Variants in PDE6C observed in about 807,000 individuals in gnomAD.
PDE6C encodes the protein phosphodiesterase 6C.
PDE6C carries 75 observed loss-of-function variants against 113.1 expected under a neutral mutation model. The ratio of observed to expected loss-of-function variants is 0.66; its 90% CI spans 0.55 to 0.80. The LOEUF (loss-of-function observed/expected upper bound fraction) is 0.80, where lower values mean the gene tolerates loss of function less well. PDE6C is among the 30% of genes least tolerant of loss of function. PDE6C has a pLI of 0.00. For synonymous variants in PDE6C, 375 were observed against 363.7 expected (o/e 1.03, Z -0.35); for missense variants, 912 against 1,038.6 (o/e 0.88, Z 1.67).
intron 1 of PDE6C, among the ~76,000 whole-genome samples, chr10:93,618,191 G>T (rs531139984): frequency 1.3e-5 from 2 of 152,218 alleles, no homozygotes; most frequent in South Asian, 4.2e-4. Context: ...GAAGCAAAAT[G>T]GTAATTGCAA....
chr10:93,638,481 T>C (rs996474330), intron 11 of PDE6C, among the ~76,000 whole-genome samples: 3 of 152,190 alleles, frequency 2.0e-5, no homozygotes, highest in African/African-American at 7.2e-5. Flanking sequence ...AGGCATCTTC[T>C]TGGAAAACAA....
At chr10:93,649,840 G>T (rs184864105) in intron 15 of PDE6C, among the ~76,000 whole-genome samples, 121 of 152,230 alleles carry the variant, frequency 7.9e-4, no homozygotes, top group Non-Finnish European at 4.4e-5. Flanking sequence ...CCCAACCTCA[G>T]GTGATCCACC....
intron 8 of PDE6C, among the ~76,000 whole-genome samples, chr10:93,634,292 C>A (rs1295557379): frequency 6.6e-6 from 1 of 152,178 alleles, no homozygotes; most frequent in Non-Finnish European, 1.5e-5. Context: ...GGATTACAGG[C>A]TCCAGCCACT....
At chr10:93,655,469 T>C (rs1462197978) in intron 15 of PDE6C, among the ~76,000 whole-genome samples, 2 of 152,038 alleles carry the variant, frequency 1.3e-5, no homozygotes, top group Non-Finnish European at 2.9e-5. Context: ...GAAGAAAACA[T>C]TTATTTACTC....
intron 8 of PDE6C, among the ~76,000 whole-genome samples, chr10:93,630,105 A>G (rs2058493382): frequency 6.6e-6 from 1 of 152,042 alleles, no homozygotes; most frequent in African/African-American, 2.4e-5. Context: ...TCTCAGGAAA[A>G]TCAACAATTC....
chr10:93,656,931 T>A (rs1402583576), intron 16 of PDE6C, among the ~76,000 whole-genome samples: 1 of 152,110 alleles, frequency 6.6e-6, no homozygotes, highest in Non-Finnish European at 1.5e-5. Flanking sequence ...AAAATGGATA[T>A]CCAAATATCT....
intron 1 of PDE6C, among the ~76,000 whole-genome samples, chr10:93,620,028 A>G (rs2058437703): frequency 6.6e-6 from 1 of 152,188 alleles, no homozygotes; most frequent in Non-Finnish European, 1.5e-5. Flanking sequence ...TGAAACTATT[A>G]TAAGCAATTA....
At chr10:93,629,355 G>A (rs1233803747) in intron 8 of PDE6C, 50 bp downstream of exon 8, 1 of 1,390,298 alleles carries the variant, frequency 7.2e-7, no homozygotes, top group African/African-American at 1.4e-5. Flanking sequence ...GGGTAGAGGA[G>A]TGGATGCTCT....
chr10:93,627,204 G>A (rs1406933032), intron 7 of PDE6C, among the ~76,000 whole-genome samples: 5 of 135,418 alleles, frequency 3.7e-5, no homozygotes, highest in Admixed American at 3.3e-4. Flanking sequence ...GGAGATTGCA[G>A]TGAGCCAAGA....
rs1323290515 is a variant in PDE6C, at chr10:93,662,541, GATTT to G, written c.2284-14_2284-11del. The G allele has an allele frequency of 3.5e-6, 4 of 1,152,782 alleles. No homozygotes were observed. The East Asian group carries it at 7.1e-5, about 20-fold the overall frequency. 71.4% of individuals were successfully genotyped at this position (1,152,782 alleles called of 1,614,324 possible). On this transcript the variant is annotated splice_polypyrimidine_tract_variant and intron_variant, in intron 19 of 21. Transcript: ENST00000371447. ...TACATCTTAGAAACCTGTCTTAAAG[GATTT>G]ATTTCTCTTTCTAGCCTATGATGGA...
intron 1 of PDE6C, among the ~76,000 whole-genome samples, chr10:93,619,534 C>T (rs975712689): frequency 6.6e-6 from 1 of 152,182 alleles, no homozygotes. Flanking sequence ...TCAAGCGACT[C>T]CCCTGCCTCA....
At chr10:93,650,182 CTT>C (rs900420963) in intron 15 of PDE6C, among the ~76,000 whole-genome samples, 5 of 152,182 alleles carry the variant, frequency 3.3e-5, no homozygotes, top group African/African-American at 1.2e-4. Context: ...CAATCACACT[CTT>C]TTGCATTGGT....
intron 14 of PDE6C, among the ~76,000 whole-genome samples, chr10:93,644,442 T>C (rs1417293106): frequency 1.3e-5 from 2 of 152,134 alleles, no homozygotes; most frequent in African/African-American, 4.8e-5. Context: ...ATAATAGATA[T>C]ACATACTTTT....
Position 93,622,046 on chromosome 10 carries a change from G to A in PDE6C, c.838G>A (p.Gly280Arg). The change falls in exon 4 of 22, where the codon GGA becomes AGA. Residue 280 changes from glycine (G) to arginine (R), a missense_variant. Physicochemically the swap from Gly to Arg is moderately radical, Grantham distance 125. Coordinates refer to ENST00000371447, the MANE Select transcript of PDE6C (RefSeq NM_006204.4). ...SYLNCERYSI[G>R]LLDMTKEKEF... ...TCTGAACTGTGAACGATACTCCATT[G>A]GACTGCTGGACATGACCAAGGAGAA... The A allele has an allele frequency of 6.2e-7, 1 of 1,613,988 alleles. No homozygotes were observed. Among genetic ancestry groups the A allele is most frequent in the Non-Finnish European group, 8.5e-7 (1 of 1,179,978 alleles).
chr10:93,649,454 T>C (rs1029992727), intron 15 of PDE6C, among the ~76,000 whole-genome samples: 11 of 152,196 alleles, frequency 7.2e-5, no homozygotes, highest in Admixed American at 1.3e-4. Flanking sequence ...CATTAACGTC[T>C]AATGAACCTC....
chr10:93,649,202 G>A (rs568869459), intron 15 of PDE6C, among the ~76,000 whole-genome samples: 12 of 152,274 alleles, frequency 7.9e-5, no homozygotes, highest in Admixed American at 2.6e-4. Context: ...GCAAGTCAGG[G>A]CCCGTGGCCA....
At chr10:93,639,767 T>G (rs1239829071) in intron 11 of PDE6C, among the ~76,000 whole-genome samples, 1 of 152,238 alleles carries the variant, frequency 6.6e-6, no homozygotes, top group Non-Finnish European at 1.5e-5. Context: ...AAACATTTTA[T>G]TTTGCATCAT....
At chr10:93,644,667 A>G (rs1341361031) in intron 14 of PDE6C, among the ~76,000 whole-genome samples, 1 of 151,194 alleles carries the variant, frequency 6.6e-6, no homozygotes, top group Non-Finnish European at 1.5e-5. Flanking sequence ...ACCTACCTGT[A>G]TATTTGTACC....
At chr10:93,615,307 C>G (rs1423455602) in intron 1 of PDE6C, among the ~76,000 whole-genome samples, 1 of 152,184 alleles carries the variant, frequency 6.6e-6, no homozygotes, top group Non-Finnish European at 1.5e-5. Flanking sequence ...TAAACACAAT[C>G]CACAAAACCA....
Sources: gnomAD v4.1 joint callset for allele counts (sites outside exome capture counted in the v4.1 genomes callset) on GRCh38, gnomAD v4.1.1 for gene constraint, MANE v1.5 for transcripts, NCBI Gene and HGNC (gene_info 2026-07-23, HGNC 2026-07-21) for gene names.